RBFOX1: variants seen among roughly 807,000 people sequenced by gnomAD.
RBFOX1 encodes the protein RNA binding protein fox-1 homolog 1.
RBFOX1 carries 8 observed loss-of-function variants against 57.7 expected under a neutral mutation model. The ratio of observed to expected loss-of-function variants is 0.14; its 90% CI spans 0.08 to 0.25. The LOEUF is 0.25. Ranked by LOEUF, RBFOX1 falls within the 10% of genes least tolerant of loss-of-function variation. The pLI is 1.00. For missense variants in RBFOX1, 611 were observed against 548.5 expected (o/e 1.11, Z -1.14); for synonymous variants, 326 against 222.4 (o/e 1.47, Z -4.15).
At chr16:5,354,318 T>C (rs1300690044) in intron 1 of RBFOX1, among the ~76,000 whole-genome samples, 1 of 152,188 alleles carries the variant, frequency 6.6e-6, no homozygotes, top group Admixed American at 6.5e-5. Context: ...TCACTGTCTT[T>C]CAGTCTCTCC....
At chr16:6,942,653 C>G (rs925297870) in intron 3 of RBFOX1, among the ~76,000 whole-genome samples, 1 of 152,036 alleles carries the variant, frequency 6.6e-6, no homozygotes, top group Non-Finnish European at 1.5e-5. Context: ...GAGTGGACAG[C>G]GAGAAGGATA....
At chr16:5,509,881 C>T (rs867693248) in intron 2 of RBFOX1, among the ~76,000 whole-genome samples, 45 of 152,118 alleles carry the variant, frequency 3.0e-4, no homozygotes, top group African/African-American at 1.1e-3. Context: ...AGAACCTTGG[C>T]GCAGACGAGT....
chr16:5,272,798 C>T (rs1332872135), intron 1 of RBFOX1, among the ~76,000 whole-genome samples: 2 of 152,116 alleles, frequency 1.3e-5, no homozygotes, highest in Non-Finnish European at 2.9e-5. Flanking sequence ...GAATTCTGAG[C>T]CCTGGTTCCT....
chr16:5,317,580 G>A (rs1356467558), intron 1 of RBFOX1, among the ~76,000 whole-genome samples: 3 of 152,158 alleles, frequency 2.0e-5, no homozygotes, highest in East Asian at 3.9e-4. Context: ...TTGCACTCCA[G>A]CCTGGGCGAA....
chr16:6,847,215 A>G (rs1206268325), intron 3 of RBFOX1, among the ~76,000 whole-genome samples: 1 of 152,140 alleles, frequency 6.6e-6, no homozygotes, highest in Non-Finnish European at 1.5e-5. Flanking sequence ...AATACTGCAT[A>G]ACAACATTTC....
intron 3 of RBFOX1, among the ~76,000 whole-genome samples, chr16:6,660,553 A>G (rs2098694797): frequency 6.6e-6 from 1 of 152,152 alleles, no homozygotes; most frequent in Admixed American, 6.6e-5. Flanking sequence ...GGAGCTTGAA[A>G]TGTCTGGGTT....
At chr16:5,917,198 C>T (rs112894725) in intron 4 of RBFOX1, among the ~76,000 whole-genome samples, 8,488 of 152,198 alleles carry the variant, frequency 0.056, 282 homozygotes, top group Middle Eastern at 0.085. Flanking sequence ...TCCCAGCGCC[C>T]GTGCTTTGAA....
chr16:6,784,321 T>C (rs1253865594), intron 3 of RBFOX1, among the ~76,000 whole-genome samples: 1 of 152,142 alleles, frequency 6.6e-6, no homozygotes, highest in Non-Finnish European at 1.5e-5. Context: ...TCTTTTTTTC[T>C]CTACAGACTG....
intron 2 of RBFOX1, among the ~76,000 whole-genome samples, chr16:6,602,737 T>C (rs1160492223): frequency 1.4e-5 from 2 of 139,152 alleles, no homozygotes; most frequent in East Asian, 2.0e-4. Context: ...CAATTTTTTT[T>C]CCACTTGCTG....
chr16:7,172,646 G>A (rs1457003702), intron 4 of RBFOX1, among the ~76,000 whole-genome samples: 2 of 152,148 alleles, frequency 1.3e-5, no homozygotes, highest in African/African-American at 4.8e-5. Context: ...CACACATCAT[G>A]CCAAGTTGTA....
At chr16:6,191,887 C>T (rs2097144130) in intron 1 of RBFOX1, among the ~76,000 whole-genome samples, 1 of 152,102 alleles carries the variant, frequency 6.6e-6, no homozygotes, top group Non-Finnish European at 1.5e-5. Context: ...GGGGGAGAAT[C>T]ATCTCTGCAA....
At chr16:6,871,908 AGTCT>A (rs1314653225) in intron 3 of RBFOX1, among the ~76,000 whole-genome samples, 22 of 85,128 alleles carry the variant, frequency 2.6e-4, no homozygotes, top group African/African-American at 9.2e-4. Flanking sequence ...AGAGGGAGAG[AGTCT>A]GTGTGTGTGT....
intron 3 of RBFOX1, among the ~76,000 whole-genome samples, chr16:6,915,550 C>CCT (rs2072926763): frequency 1.6e-5 from 2 of 123,530 alleles, no homozygotes; most frequent in African/African-American, 6.1e-5. Flanking sequence ...CCACACCCCC[C>CCT]TTTTTTTTTT....
chr16:5,377,918 T>A (rs892065842), intron 1 of RBFOX1, among the ~76,000 whole-genome samples: 5 of 151,738 alleles, frequency 3.3e-5, no homozygotes, highest in South Asian at 4.1e-4. Flanking sequence ...TGAAACCGTT[T>A]CTTACTTCCC....
At chr16:7,542,158 C>A (rs971777092) in intron 5 of RBFOX1, among the ~76,000 whole-genome samples, 2 of 152,132 alleles carry the variant, frequency 1.3e-5, no homozygotes, top group Admixed American at 1.3e-4. Context: ...ACATTCTGAA[C>A]GGACTATTAC....
intron 2 of RBFOX1, among the ~76,000 whole-genome samples, chr16:6,632,549 C>G (rs1471724069): frequency 6.6e-6 from 1 of 152,144 alleles, no homozygotes. Flanking sequence ...AGGCTCCTGT[C>G]TTTTACCAAT....
chr16:6,766,948 C>G (rs555920462), intron 3 of RBFOX1, among the ~76,000 whole-genome samples: 1 of 152,116 alleles, frequency 6.6e-6, no homozygotes, highest in Non-Finnish European at 1.5e-5. Flanking sequence ...TGGTACTAGC[C>G]CTTGGTAAGT....
rs554681402 is a variant in RBFOX1, at chr16:7,196,992, T to G, written c.27+144894T>G. ...TCTTTGCACGCAAGTCTGGGTAATT[T>G]TAAGGAGAGTTTAAAAGACTCCATT... On this transcript the variant is annotated intron_variant, in intron 4 of 15. Coordinates refer to ENST00000550418, the MANE Select transcript of RBFOX1 (RefSeq NM_018723.4). Among the ~76,000 whole-genome samples the G allele has an allele frequency of 2.0e-5, 3 of 152,294 alleles. No individual in the cohort carries two copies. In the East Asian group the frequency reaches 5.8e-4, roughly 29 times the overall value.
In RBFOX1 at chr16:5,811,402, C is replaced by G. The variant is rs1015375267; in HGVS notation, c.319-55901C>G. On this transcript the variant is annotated intron_variant, in intron 3 of 19. Transcript: ENST00000641259. ...AGGTGATCCGCCTGCCTCGGCCTCT[C>G]AAAGTGCTGGGATTACAGGTGTGAG... 2.6e-5 allele frequency among the ~76,000 whole-genome samples: 4 copies of G among 151,786 alleles called. No homozygotes were observed. The East Asian group carries it at 7.8e-4, about 30-fold the overall frequency.
Sources: gnomAD v4.1 joint callset for allele counts (sites outside exome capture counted in the v4.1 genomes callset) on GRCh38, gnomAD v4.1.1 for gene constraint, MANE v1.5 for transcripts, NCBI Gene and HGNC (gene_info 2026-07-23, HGNC 2026-07-21) for gene names.